Variants in GPC5 observed in about 807,000 individuals in gnomAD.
The protein encoded by GPC5 is glypican 5.
GPC5 carries 47 observed loss-of-function variants against 53.9 expected under a neutral mutation model. The observed-to-expected ratio is 0.87, with a 90% confidence interval of 0.69 to 1.11. The LOEUF (loss-of-function observed/expected upper bound fraction) is 1.11, where lower values mean the gene tolerates loss of function less well. GPC5 is among the 50% of genes most tolerant of loss of function. The pLI, the probability that GPC5 is intolerant of heterozygous loss-of-function variation, is 0.00. For synonymous variants in GPC5, 286 were observed against 263.3 expected, an observed-to-expected ratio of 1.09 and a Z score of -0.84; for missense variants, 748 against 713.1, an observed-to-expected ratio of 1.05 and a Z score of -0.56.
intron 6 of GPC5, among the ~76,000 whole-genome samples, chr13:91,948,167 G>T (rs1367299334): frequency 1.3e-5 from 2 of 150,958 alleles, no homozygotes; most frequent in Non-Finnish European, 2.9e-5. Flanking sequence ...GGTGGAGCTT[G>T]CAGTGAGCCG....
chr13:91,448,007 GTCCCTACCAGGA>G (rs1880920491), intron 1 of GPC5, among the ~76,000 whole-genome samples: 1 of 152,004 alleles, frequency 6.6e-6, no homozygotes, highest in African/African-American at 2.4e-5. Context: ...CTTGTCCTGG[GTCCCTACCAGGA>G]TGAAAGTTTA....
chr13:92,797,337 A>T (rs1876722021), intron 7 of GPC5, among the ~76,000 whole-genome samples: 3 of 151,928 alleles, frequency 2.0e-5, no homozygotes, highest in Non-Finnish European at 1.5e-5. Flanking sequence ...ATTCTCTGTT[A>T]CTGTACCTTT....
intron 5 of GPC5, among the ~76,000 whole-genome samples, chr13:91,820,534 A>C (rs1015931179): frequency 2.0e-5 from 3 of 152,156 alleles, no homozygotes; most frequent in African/African-American, 7.2e-5. Flanking sequence ...GCGTCCATAA[A>C]TAAATTGGTC....
At chr13:91,859,060 AAGGTT>A (rs2038998207) in intron 5 of GPC5, among the ~76,000 whole-genome samples, 1 of 149,684 alleles carries the variant, frequency 6.7e-6, no homozygotes, top group Non-Finnish European at 1.5e-5. Flanking sequence ...AGTGTGGCTA[AAGGTT>A]AGTAGGTTTG....
chr13:92,584,295 G>T (rs1398135183), intron 7 of GPC5, among the ~76,000 whole-genome samples: 1 of 152,120 alleles, frequency 6.6e-6, no homozygotes, highest in South Asian at 2.1e-4. Context: ...AATAAGGTCC[G>T]GGCTGATGTG....
intron 7 of GPC5, among the ~76,000 whole-genome samples, chr13:92,155,843 T>A (rs1488447970): frequency 6.6e-6 from 1 of 152,196 alleles, no homozygotes; most frequent in African/African-American, 2.4e-5. Flanking sequence ...TACTGCCTTT[T>A]AGCTCGCTTT....
At chr13:91,851,833 T>C (rs2138892656) in intron 5 of GPC5, among the ~76,000 whole-genome samples, 1 of 141,312 alleles carries the variant, frequency 7.1e-6, no homozygotes, top group Admixed American at 7.1e-5. Flanking sequence ...CATGAAGTCA[T>C]CCTTTTTTAT....
At chr13:92,441,807 A>T (rs950539186) in intron 7 of GPC5, among the ~76,000 whole-genome samples, 1 of 152,176 alleles carries the variant, frequency 6.6e-6, no homozygotes, top group Non-Finnish European at 1.5e-5. Flanking sequence ...ACTACCAATG[A>T]CATTTTTCAC....
intron 6 of GPC5, among the ~76,000 whole-genome samples, chr13:91,949,315 ACACT>A (rs1350734100): frequency 1.1e-4 from 17 of 152,230 alleles, no homozygotes; most frequent in African/African-American, 4.1e-4. Flanking sequence ...TTATGTATGT[ACACT>A]CAATCAAACT....
At chr13:92,628,607 C>A (rs1885133296) in intron 7 of GPC5, among the ~76,000 whole-genome samples, 1 of 151,984 alleles carries the variant, frequency 6.6e-6, no homozygotes, top group Non-Finnish European at 1.5e-5. Flanking sequence ...AACGTGTCCC[C>A]AGCATCACTG....
chr13:92,509,905 G>A (rs769286267), intron 7 of GPC5: 4 of 152,094 alleles, frequency 2.6e-5, no homozygotes, highest in Admixed American at 6.6e-5. Flanking sequence ...ACAGATTCCT[G>A]AATTGCTACA....
At chr13:92,248,777 A>G (rs2139125865) in intron 7 of GPC5, among the ~76,000 whole-genome samples, 1 of 152,228 alleles carries the variant, frequency 6.6e-6, no homozygotes, top group African/African-American at 2.4e-5. Flanking sequence ...TTCGATCAGG[A>G]AAACTCTTGT....
At chr13:92,449,750 T>A (rs1381326581) in intron 7 of GPC5, among the ~76,000 whole-genome samples, 1 of 152,138 alleles carries the variant, frequency 6.6e-6, no homozygotes, top group Non-Finnish European at 1.5e-5. Context: ...ACTTGAGTAT[T>A]ACACTTTAAA....
chr13:91,745,257 T>A (rs1262806088), intron 4 of GPC5, among the ~76,000 whole-genome samples: 2 of 152,086 alleles, frequency 1.3e-5, no homozygotes, highest in African/African-American at 4.8e-5. Flanking sequence ...GGGTGTTTTT[T>A]TATGGGGACA....
chr13:92,303,146 G>T (rs554203379), intron 7 of GPC5, among the ~76,000 whole-genome samples: 58 of 152,028 alleles, frequency 3.8e-4, no homozygotes, highest in African/African-American at 1.3e-3. Flanking sequence ...TACCAGAATA[G>T]GTCTTGGGAG....
chr13:91,451,283 T>C (rs1005812249), intron 2 of GPC5, among the ~76,000 whole-genome samples: 7 of 152,212 alleles, frequency 4.6e-5, no homozygotes, highest in Non-Finnish European at 1.0e-4. Flanking sequence ...AGTTATATTG[T>C]AGGTTATAAA....
chr13:91,566,119 C>T lies in GPC5; in HGVS notation c.325+117197C>T, dbSNP rs141353933. On this transcript the variant is annotated intron_variant, in intron 2 of 7. Coordinates refer to ENST00000377067, the MANE Select transcript of GPC5 (RefSeq NM_004466.6). ...CAAAGACCTTTTTCCCACACACGGTCACATGTGTAGGCTTCAAGTGGACAT... is the reference window on the plus strand; with the variant it reads ...CAAAGACCTTTTTCCCACACACGGTTACATGTGTAGGCTTCAAGTGGACAT... Among the ~76,000 whole-genome samples, 8 of 152,248 alleles carry T rather than the reference C, an allele frequency of 5.3e-5. No homozygotes were observed. The East Asian group carries it at 1.2e-3, about 22-fold the overall frequency.
intron 2 of GPC5, among the ~76,000 whole-genome samples, chr13:91,589,985 T>G (rs1291267229): frequency 6.6e-6 from 1 of 152,092 alleles, no homozygotes; most frequent in African/African-American, 2.4e-5. Context: ...ACATTAAAAT[T>G]TAAAACTTTC....
chr13:92,363,696 T>A (rs779225345), intron 7 of GPC5, among the ~76,000 whole-genome samples: 20 of 151,730 alleles, frequency 1.3e-4, no homozygotes, highest in Non-Finnish European at 2.8e-4. Flanking sequence ...TAATAAAACT[T>A]AAGTGCAAGC....
Sources: allele counts gnomAD v4.1 joint callset (sites outside exome capture counted in the v4.1 genomes callset), GRCh38; gene constraint gnomAD v4.1.1; transcripts MANE v1.5; gene names NCBI Gene and HGNC (gene_info 2026-07-23, HGNC 2026-07-21).